Variants in BCAS3 observed in about 807,000 individuals in gnomAD.
BCAS3 encodes BCAS4/BCAS3 fusion.
A neutral mutation model predicts 116.1 loss-of-function variants in BCAS3; 53 were observed. The ratio of observed to expected loss-of-function variants is 0.46; its 90% CI spans 0.37 to 0.57. BCAS3 has a LOEUF of 0.57. BCAS3 is among the 20% of genes least tolerant of loss of function. The pLI is 0.00. For missense variants in BCAS3, 917 were observed against 1,165.4 expected (o/e 0.79, Z 3.10); for synonymous variants, 391 against 408.2 (o/e 0.96, Z 0.51).
intron 13 of BCAS3, among the ~76,000 whole-genome samples, chr17:60,934,887 A>G (rs1010759795): frequency 1.3e-5 from 2 of 152,162 alleles, no homozygotes; most frequent in South Asian, 2.1e-4. Context: ...GGCTGGGTGC[A>G]GTGACTCATA....
At chr17:61,318,004 C>T (rs754438159) in intron 22 of BCAS3, among the ~76,000 whole-genome samples, 1 of 152,178 alleles carries the variant, frequency 6.6e-6, no homozygotes, top group African/African-American at 2.4e-5. Flanking sequence ...CGCGTAGGAC[C>T]AACAGTGAAA....
At chr17:61,005,518 T>A (rs778445684) in intron 15 of BCAS3, among the ~76,000 whole-genome samples, 2 of 152,112 alleles carry the variant, frequency 1.3e-5, no homozygotes, top group Non-Finnish European at 2.9e-5. Context: ...TTTGTATGGT[T>A]GTTACAATCT....
At chr17:60,703,798 C>T (rs2036740546) in intron 4 of BCAS3, among the ~76,000 whole-genome samples, 3 of 151,344 alleles carry the variant, frequency 2.0e-5, no homozygotes, top group African/African-American at 7.3e-5. Context: ...CCTGTAGTCC[C>T]AGCTACTCGG....
At chr17:60,845,934 T>C (rs1307960051) in intron 7 of BCAS3, among the ~76,000 whole-genome samples, 3 of 143,844 alleles carry the variant, frequency 2.1e-5, no homozygotes, top group Non-Finnish European at 4.6e-5. Context: ...ACCTGGCTAA[T>C]TTTTTTTTTT....
chr17:61,371,206 A>G (rs980464914), intron 23 of BCAS3, among the ~76,000 whole-genome samples: 12 of 152,214 alleles, frequency 7.9e-5, no homozygotes, highest in African/African-American at 2.9e-4. Flanking sequence ...AGCACGCCTC[A>G]CTGTTACATA....
chr17:61,167,164 C>G (rs1320927667), intron 22 of BCAS3, among the ~76,000 whole-genome samples: 2 of 152,094 alleles, frequency 1.3e-5, no homozygotes, highest in Non-Finnish European at 2.9e-5. Flanking sequence ...ATTCAAGGAG[C>G]CTTAGTTAGG....
chr17:60,936,491 C>T (rs1359956082), intron 13 of BCAS3, among the ~76,000 whole-genome samples: 1 of 152,036 alleles, frequency 6.6e-6, no homozygotes, highest in African/African-American at 2.4e-5. Context: ...TAAAAGTGTT[C>T]CTATTTCTCC....
rs182063166 is a variant in BCAS3 at position 61,224,371 on chromosome 17, T to A, written c.2425+139807T>A. ...CTCTTGAAGTTCAGGAGAGATTTCA[T>A]GGAAGAGGTATCATTCAAGCTGAGT... On this transcript the variant is annotated intron_variant, in intron 22 of 23. Coordinates refer to ENST00000407086, the MANE Select transcript of BCAS3 (RefSeq NM_017679.5). The surrounding 1 kb of genome is among the most constrained non-coding windows in gnomAD (Gnocchi z 5.7). 2.6e-5 allele frequency among the ~76,000 whole-genome samples: 4 copies of A among 152,186 alleles called. No individual in the cohort carries two copies. Among genetic ancestry groups the A allele is most frequent in the Non-Finnish European group, 5.9e-5 (4 of 68,024 alleles).
intron 1 of BCAS3, among the ~76,000 whole-genome samples, chr17:60,678,219 A>G (rs766101804): frequency 2.0e-5 from 3 of 152,164 alleles, no homozygotes; most frequent in African/African-American, 4.8e-5. Flanking sequence ...GGTTCGAGAA[A>G]GCAAGAATGG....
chr17:60,874,183 C>T (rs1320190094), intron 8 of BCAS3, among the ~76,000 whole-genome samples: 1 of 151,842 alleles, frequency 6.6e-6, no homozygotes, highest in Non-Finnish European at 1.5e-5. Flanking sequence ...CCTCCTGCCT[C>T]AGCCTCCTGA....
chr17:61,252,378 C>T (rs1323226207), intron 22 of BCAS3, among the ~76,000 whole-genome samples: 1 of 152,114 alleles, frequency 6.6e-6, no homozygotes, highest in Admixed American at 6.5e-5. Flanking sequence ...AAGGCTTGGC[C>T]CTTGTTCAGC....
In BCAS3 at chr17:61,034,497, C is replaced by T; in HGVS notation, c.1638-169C>T. 1 of 526,228 alleles carries T rather than the reference C, an allele frequency of 1.9e-6. No homozygotes were observed. The allele number at this position is 526,228 out of a possible 1,614,324, so 32.6% of individuals were successfully genotyped here. ...ACTCTGGAACTTTGAAATAATTCTA[C>T]TTTTACTCCAGAACATAGTCTCACA... On this transcript the variant is annotated intron_variant, in intron 16 of 23. Transcript: ENST00000407086. The surrounding 1 kb of genome is among the most constrained non-coding windows in gnomAD (Gnocchi z 5.0).
chr17:60,796,857 A>G (rs1162251684), intron 6 of BCAS3, among the ~76,000 whole-genome samples: 1 of 152,036 alleles, frequency 6.6e-6, no homozygotes, highest in East Asian at 1.9e-4. Context: ...AGGGCTGTGA[A>G]CTTTCCTCTT....
chr17:61,070,366 A>AATTTATATATATAT (rs1555698459), intron 19 of BCAS3: 2 of 314,092 alleles, frequency 6.4e-6, no homozygotes, highest in Non-Finnish European at 6.5e-6. Context: ...CCTAATTCTG[A>AATTTATATATATAT]ATATATATAT....
chr17:61,046,056 A>T (rs1241392160), intron 19 of BCAS3, among the ~76,000 whole-genome samples: 1 of 19,004 alleles, frequency 5.3e-5, no homozygotes, highest in Non-Finnish European at 7.1e-5. Flanking sequence ...TAATATATAT[A>T]TTATATATAT....
intron 22 of BCAS3, among the ~76,000 whole-genome samples, chr17:61,114,062 G>C (rs367670652): frequency 1.3e-5 from 2 of 151,726 alleles, no homozygotes; most frequent in African/African-American, 4.8e-5. Flanking sequence ...AAACTCTCAA[G>C]AAATTAGGTA....
Position 61,034,119 on chromosome 17 carries a change from C to CT in BCAS3, c.1638-546dup, listed in dbSNP as rs1162465439. ...ATTAGCTATTCTTCCCTTGCACTGT[C>CT]TAACTCTCCATAGCATTGTGGCCGA... On this transcript the variant is annotated intron_variant, in intron 16 of 23. Transcript: ENST00000407086. The surrounding 1 kb of genome is among the most constrained non-coding windows in gnomAD (Gnocchi z 5.0). Among the ~76,000 whole-genome samples, 1 of 152,152 alleles carries CT rather than the reference C, an allele frequency of 6.6e-6. No homozygotes were observed. The highest frequency in any genetic ancestry group is 2.4e-5 in the African/African-American group (1 of 41,386).
At chr17:60,767,648 T>C (rs1403688125) in intron 6 of BCAS3, among the ~76,000 whole-genome samples, 1 of 152,088 alleles carries the variant, frequency 6.6e-6, no homozygotes, top group Non-Finnish European at 1.5e-5. Flanking sequence ...TGCCCAGCCA[T>C]GAATCTTTTT....
Position 61,381,907 on chromosome 17 carries a change from C to G in BCAS3, c.2594-10070C>G, listed in dbSNP as rs547778164. 2.6e-5 allele frequency among the ~76,000 whole-genome samples: 4 copies of G among 152,198 alleles called. No individual in the cohort carries two copies. Among genetic ancestry groups the G allele is most frequent in the Non-Finnish European group, 4.4e-5 (3 of 68,040 alleles). On this transcript the variant is annotated intron_variant, in intron 23 of 23. Transcript: ENST00000407086. This position sits in a 1 kb window ranked among gnomAD's most constrained non-coding sequence, Gnocchi z 6.0. ...ATTAATCTAGAAAATTCTCTCCTAT[C>G]CCCAACTGGTCATCCTCTCCCCAAC...
Sources: allele counts gnomAD v4.1 joint callset (sites outside exome capture counted in the v4.1 genomes callset), GRCh38; gene constraint gnomAD v4.1.1; non-coding constraint Gnocchi (gnomAD v3.1); transcripts MANE v1.5; gene names NCBI Gene and HGNC (gene_info 2026-07-23, HGNC 2026-07-21).